The following CADM2 variants were observed in gnomAD, a reference collection of about 807,000 sequenced individuals.
CADM2 encodes cell adhesion molecule 2, also known as immunoglobulin superfamily member 4D.
CADM2 carries 12 observed loss-of-function variants against 49.8 expected under a neutral mutation model. That is an observed-to-expected ratio of 0.24 (90% confidence interval 0.15 to 0.39). CADM2 has a LOEUF of 0.39. CADM2 is among the 10% of genes least tolerant of loss of function. CADM2 has a pLI of 1.00. For synonymous variants in CADM2, 214 were observed against 175.4 expected, an observed-to-expected ratio of 1.22 and a Z score of -1.74; for missense variants, 378 against 492.3, an observed-to-expected ratio of 0.77 and a Z score of 2.20.
intron 1 of CADM2, among the ~76,000 whole-genome samples, chr3:85,076,349 G>GGTGTA (rs2036943870): frequency 1.3e-5 from 2 of 150,504 alleles, no homozygotes; most frequent in Admixed American, 6.6e-5. Context: ...GGTGTGGTGT[G>GGTGTA]CATGGTTTTT....
chr3:85,118,581 C>G (rs1332977633), intron 1 of CADM2, among the ~76,000 whole-genome samples: 1 of 152,016 alleles, frequency 6.6e-6, no homozygotes, highest in Non-Finnish European at 1.5e-5. Context: ...TGGGAAAGAC[C>G]CATCCTCATG....
chr3:85,158,275 C>T lies in CADM2; in HGVS notation c.61+198607C>T, dbSNP rs544321322. 3.1e-3 allele frequency among the ~76,000 whole-genome samples: 470 copies of T among 152,290 alleles called. 1 individual carries two copies. The highest frequency in any genetic ancestry group is 9.9e-3 in the African/African-American group (411 of 41,554). On this transcript the variant is annotated intron_variant, in intron 1 of 9. Coordinates refer to ENST00000383699, the MANE Select transcript of CADM2 (RefSeq NM_001167675.2). ...AAACTAGTTCAACCATTGTGGAAGA[C>T]AGTGTGGCAATTCCTCAGGGATCTA... is the stretch of plus-strand genomic sequence containing the variant.
chr3:85,527,617 G>T (rs1267370787), intron 1 of CADM2, among the ~76,000 whole-genome samples: 4 of 151,224 alleles, frequency 2.6e-5, no homozygotes, highest in Admixed American at 2.0e-4. Context: ...AAATCAAAAT[G>T]CACACCCATA....
intron 8 of CADM2, chr3:86,013,173 G>A (rs997965391): frequency 7.3e-7 from 1 of 1,361,638 alleles, no homozygotes. Flanking sequence ...GAGTGAAGAC[G>A]AAATCAGGAC....
chr3:85,674,773 T>C (rs906158291), intron 1 of CADM2, among the ~76,000 whole-genome samples: 1 of 152,162 alleles, frequency 6.6e-6, no homozygotes, highest in Non-Finnish European at 1.5e-5. Context: ...ATAAAATCTT[T>C]CTTACCACAT....
chr3:85,702,200 A>T (rs1559602091), intron 1 of CADM2, among the ~76,000 whole-genome samples: 1 of 151,884 alleles, frequency 6.6e-6, no homozygotes, highest in Non-Finnish European at 1.5e-5. Context: ...TTTTTCTTGT[A>T]TTTGTTTTTT....
chr3:85,580,928 G>A (rs945098835), intron 1 of CADM2, among the ~76,000 whole-genome samples: 1 of 152,022 alleles, frequency 6.6e-6, no homozygotes, highest in African/African-American at 2.4e-5. Context: ...ACTATTATAT[G>A]TAGATTCATT....
intron 1 of CADM2, among the ~76,000 whole-genome samples, chr3:84,978,655 T>C (rs992637898): frequency 1.3e-5 from 2 of 152,142 alleles, no homozygotes; most frequent in Non-Finnish European, 2.9e-5. Flanking sequence ...AAGAAGACTT[T>C]TCTGAGTCTA....
Position 85,851,853 on chromosome 3 carries a change from T to A in CADM2, c.239-31438T>A, listed in dbSNP as rs2075122767. The stretch of plus-strand genomic sequence containing the variant: ...ACCAAAGATTTTCATCTTGAACAAC[T>A]TAGGTGATGGGGATGCTATTTGGTG... On this transcript the variant is annotated intron_variant, in intron 3 of 9. Transcript: ENST00000383699. Among the ~76,000 whole-genome samples, 8 of 151,856 alleles carry A rather than the reference T, an allele frequency of 5.3e-5. No homozygotes were observed. In the South Asian group the frequency reaches 1.7e-3, roughly 32 times the overall value.
intron 6 of CADM2, among the ~76,000 whole-genome samples, chr3:85,926,979 A>C (rs2108516898): frequency 6.6e-6 from 1 of 152,262 alleles, no homozygotes; most frequent in Middle Eastern, 3.4e-3. Context: ...ATTGGAGAAA[A>C]AGGGTCAAAT....
chr3:85,770,456 G>T (rs2070018020), intron 2 of CADM2, among the ~76,000 whole-genome samples: 1 of 151,860 alleles, frequency 6.6e-6, no homozygotes, highest in Non-Finnish European at 1.5e-5. Context: ...TGAGACTAAA[G>T]GCATGCACTA....
At chr3:85,125,790 G>A (rs1575928411) in intron 1 of CADM2, among the ~76,000 whole-genome samples, 1 of 152,254 alleles carries the variant, frequency 6.6e-6, no homozygotes, top group East Asian at 1.9e-4. Flanking sequence ...TGTAATCTTA[G>A]TGTTTATTTA....
rs199825046 is a variant in CADM2, at chr3:84,988,878, C to T, written c.61+29210C>T. Reference sequence around the variant, plus strand: ...ACAGCTAATCTCTCCTTTTACTCTGCCTAAACTGTTGTACCACTAACATTT... The same window carrying T: ...ACAGCTAATCTCTCCTTTTACTCTGTCTAAACTGTTGTACCACTAACATTT... On this transcript the variant is annotated intron_variant, in intron 1 of 9. Transcript: ENST00000383699. 3.9e-5 allele frequency among the ~76,000 whole-genome samples: 6 copies of T among 152,200 alleles called. No homozygotes were observed. The East Asian group carries it at 1.2e-3, about 29-fold the overall frequency.
At chr3:85,723,386 G>A (rs1257214915) in intron 1 of CADM2, among the ~76,000 whole-genome samples, 1 of 152,220 alleles carries the variant, frequency 6.6e-6, no homozygotes, top group East Asian at 1.9e-4. Context: ...GGTGTGCAAT[G>A]TGCACTTTAC....
intron 1 of CADM2, among the ~76,000 whole-genome samples, chr3:85,618,866 C>G (rs551160907): frequency 6.6e-6 from 1 of 151,556 alleles, no homozygotes; most frequent in South Asian, 2.1e-4. Context: ...AATAATAATC[C>G]AGGAATTTAA....
intron 8 of CADM2, among the ~76,000 whole-genome samples, chr3:86,058,803 A>T (rs997595632): frequency 1.3e-5 from 2 of 151,938 alleles, no homozygotes; most frequent in African/African-American, 4.8e-5. Context: ...TTATAAAAAA[A>T]TTTTACATGG....
At chr3:85,908,500 G>A (rs1185685860) in intron 5 of CADM2, among the ~76,000 whole-genome samples, 2 of 151,382 alleles carry the variant, frequency 1.3e-5, no homozygotes, top group Non-Finnish European at 2.9e-5. Flanking sequence ...AAATATTTAG[G>A]CAGCTAATTT....
chr3:84,986,673 C>T (rs1383897801), intron 1 of CADM2, among the ~76,000 whole-genome samples: 1 of 151,552 alleles, frequency 6.6e-6, no homozygotes, highest in Non-Finnish European at 1.5e-5. Context: ...TTAACGGGTG[C>T]AGCACACCAG....
intron 1 of CADM2, among the ~76,000 whole-genome samples, chr3:85,334,185 C>T (rs2045013817): frequency 6.6e-6 from 1 of 151,562 alleles, no homozygotes; most frequent in East Asian, 1.9e-4. Flanking sequence ...AACTTGTAAT[C>T]AAATCTCTCC....
Sources: allele counts gnomAD v4.1 joint callset (sites outside exome capture counted in the v4.1 genomes callset), GRCh38; gene constraint gnomAD v4.1.1; transcripts MANE v1.5; gene names NCBI Gene and HGNC (gene_info 2026-07-23, HGNC 2026-07-21).